ITPR2: variants seen among roughly 807,000 people sequenced by gnomAD.
The protein encoded by ITPR2 is inositol 1,4,5-trisphosphate receptor type 2.
In ITPR2, 207 loss-of-function variants were observed where a neutral mutation model predicts 317.1. That is an observed-to-expected ratio of 0.65 (90% CI 0.58 to 0.73). ITPR2 has a LOEUF of 0.73. Among genes scored for constraint, ITPR2 ranks in the 30% least tolerant of loss-of-function variants. The pLI, the probability that ITPR2 is intolerant of heterozygous loss-of-function variation, is 0.00. For synonymous variants in ITPR2, 1,156 were observed against 1,149.1 expected (o/e 1.01, Z -0.12); for missense variants, 2,613 against 3,284.0 (o/e 0.80, Z 4.99).
chr12:26,719,370 A>G (rs531504888), intron 5 of ITPR2, among the ~76,000 whole-genome samples: 1 of 152,354 alleles, frequency 6.6e-6, no homozygotes, highest in East Asian at 1.9e-4. Flanking sequence ...ATAAGCCATC[A>G]CATTCACTCT....
intron 37 of ITPR2, among the ~76,000 whole-genome samples, chr12:26,539,930 A>G (rs1279652248): frequency 6.6e-6 from 1 of 152,250 alleles, no homozygotes; most frequent in African/African-American, 2.4e-5. Context: ...TAACATTTAC[A>G]TCTACTATGT....
At chr12:26,621,547 C>T (rs2136805264) in intron 25 of ITPR2, among the ~76,000 whole-genome samples, 1 of 152,128 alleles carries the variant, frequency 6.6e-6, no homozygotes, top group East Asian at 1.9e-4. Flanking sequence ...TGAAAAGAGG[C>T]AGAAACAAAA....
intron 2 of ITPR2, among the ~76,000 whole-genome samples, chr12:26,783,164 G>A (rs1429269186): frequency 6.6e-6 from 1 of 152,160 alleles, no homozygotes; most frequent in African/African-American, 2.4e-5. Flanking sequence ...AGTGTTCATT[G>A]CACAGCAATG....
intron 45 of ITPR2, among the ~76,000 whole-genome samples, chr12:26,465,461 G>A (rs1444315524): frequency 6.6e-6 from 1 of 152,178 alleles, no homozygotes; most frequent in Non-Finnish European, 1.5e-5. Context: ...AATCTTTTGA[G>A]CACTTTTGCT....
At chr12:26,516,161 G>A (rs1337811407) in intron 37 of ITPR2, among the ~76,000 whole-genome samples, 1 of 125,968 alleles carries the variant, frequency 7.9e-6, no homozygotes, top group South Asian at 2.7e-4. Context: ...GAAAAGAGAA[G>A]GGGAGAGGAG....
chr12:26,715,344 T>C lies in ITPR2; in HGVS notation c.810A>G (p.Gln270=), dbSNP rs377304600. Residue 270 remains glutamine, a synonymous_variant, in exon 8 of 57, where the codon CAA becomes CAG. Transcript: ENST00000381340. ...TAGAACTAGTAGCAGAAGTAGCTGA[T>C]TGGCGCAAGGTCGTACGAAGGAAAA... ...QHIFLRTTLR[Q]SATSATSSKA... The C allele has an allele frequency of 1.8e-4, 286 of 1,613,628 alleles. No individual in the cohort carries two copies. The highest frequency in any genetic ancestry group is 2.4e-4 in the Non-Finnish European group (281 of 1,179,740).
intron 1 of ITPR2, among the ~76,000 whole-genome samples, chr12:26,824,657 A>G (rs1028314733): frequency 6.6e-6 from 1 of 152,254 alleles, no homozygotes; most frequent in Non-Finnish European, 1.5e-5. Context: ...TCCTGGCTAT[A>G]AAAGTAATAG....
intron 46 of ITPR2, among the ~76,000 whole-genome samples, chr12:26,441,923 A>AAT (rs1336775435): frequency 2.0e-5 from 3 of 152,074 alleles, no homozygotes; most frequent in East Asian, 3.9e-4. Flanking sequence ...GTGTATTTAT[A>AAT]ATATATATAT....
intron 2 of ITPR2, among the ~76,000 whole-genome samples, chr12:26,772,469 A>ATT (rs1181868506): frequency 2.1e-5 from 1 of 47,084 alleles, no homozygotes; most frequent in East Asian, 1.8e-3. Flanking sequence ...TAATACATGT[A>ATT]TTATATATAA....
chr12:26,412,257 A>G lies in ITPR2; in HGVS notation c.7307-845T>C, dbSNP rs1293935973. ...TGTGACTAATCAGCTGAGATGGGGTAGAAATGGCAAAGGAAAGCTGGAGTT... is the reference window on the plus strand; with the variant it reads ...TGTGACTAATCAGCTGAGATGGGGTGGAAATGGCAAAGGAAAGCTGGAGTT... On this transcript the variant is annotated intron_variant, in intron 51 of 56. Transcript: ENST00000381340. 2.0e-5 allele frequency among the ~76,000 whole-genome samples: 3 copies of G among 152,194 alleles called. No homozygotes were observed. The East Asian group carries it at 5.8e-4, about 29-fold the overall frequency.
At chr12:26,724,821 G>T in intron 3 of ITPR2, 79 bp from the exon 4 acceptor site, 1 of 870,572 alleles carries the variant, frequency 1.1e-6, no homozygotes, top group Non-Finnish European at 1.8e-6. Flanking sequence ...TTTTTTTTAG[G>T]AACAAGACTA....
chr12:26,575,435 A>G (rs1165468024), intron 34 of ITPR2, among the ~76,000 whole-genome samples: 5 of 151,910 alleles, frequency 3.3e-5, no homozygotes. Flanking sequence ...GGAAGAACAA[A>G]TGCAGAAGGA....
chr12:26,741,480 T>A (rs1949227614), intron 2 of ITPR2, among the ~76,000 whole-genome samples: 1 of 152,240 alleles, frequency 6.6e-6, no homozygotes, highest in African/African-American at 2.4e-5. Flanking sequence ...AAACATGTTT[T>A]ATACACATCT....
intron 44 of ITPR2, among the ~76,000 whole-genome samples, chr12:26,475,683 A>G (rs1254844604): frequency 6.6e-6 from 1 of 152,158 alleles, no homozygotes; most frequent in Non-Finnish European, 1.5e-5. Context: ...CGAGAACCCC[A>G]ATAAACATCC....
intron 45 of ITPR2, among the ~76,000 whole-genome samples, chr12:26,463,276 T>C (rs1018817570): frequency 1.2e-4 from 19 of 152,216 alleles, no homozygotes; most frequent in African/African-American, 4.3e-4. Flanking sequence ...GGATATTTTC[T>C]AAAGCAGACT....
At chr12:26,794,291 G>A (rs758413985) in intron 1 of ITPR2, among the ~76,000 whole-genome samples, 20 of 152,082 alleles carry the variant, frequency 1.3e-4, no homozygotes, top group African/African-American at 3.6e-4. Flanking sequence ...AAAAAGTTAC[G>A]TTTATGCATT....
At chr12:26,813,864 A>C (rs1394432608) in intron 1 of ITPR2, among the ~76,000 whole-genome samples, 1 of 152,218 alleles carries the variant, frequency 6.6e-6, no homozygotes, top group Non-Finnish European at 1.5e-5. Flanking sequence ...CCTGCTTGTA[A>C]GGACTTAGGA....
intron 50 of ITPR2, 77 bp downstream of exon 50, chr12:26,418,972 A>T: frequency 7.9e-7 from 1 of 1,272,760 alleles, no homozygotes; most frequent in Non-Finnish European, 1.1e-6. Context: ...AAAAAAAAAA[A>T]TCAAAGGAAG....
At chr12:26,822,431 T>C (rs1296958023) in intron 1 of ITPR2, among the ~76,000 whole-genome samples, 2 of 152,152 alleles carry the variant, frequency 1.3e-5, no homozygotes, top group East Asian at 3.8e-4. Flanking sequence ...GGGTACTCTA[T>C]ACCAAGTGGG....
Sources: gnomAD v4.1 joint callset for allele counts (sites outside exome capture counted in the v4.1 genomes callset) on GRCh38, gnomAD v4.1.1 for gene constraint, MANE v1.5 for transcripts, NCBI Gene and HGNC (gene_info 2026-07-23, HGNC 2026-07-21) for gene names.